Variants in BMERB1 observed in about 807,000 individuals in gnomAD.
BMERB1 encodes the protein bMERB domain-containing protein 1.
In BMERB1, 12 loss-of-function variants were observed where a neutral mutation model predicts 23.6. The observed-to-expected ratio is 0.51, with a 90% CI of 0.33 to 0.82. The LOEUF (loss-of-function observed/expected upper bound fraction) is 0.82, where lower values mean the gene tolerates loss of function less well. Among genes scored for constraint, BMERB1 ranks in the 40% least tolerant of loss-of-function variants. The pLI is 0.03. For missense variants in BMERB1, 247 were observed against 255.4 expected (o/e 0.97, Z 0.22); for synonymous variants, 122 against 96.6 (o/e 1.26, Z -1.54).
intron 2 of BMERB1, among the ~76,000 whole-genome samples, chr16:15,537,222 A>G (rs1228451512): frequency 3.9e-5 from 6 of 152,200 alleles, no homozygotes; most frequent in African/African-American, 1.2e-4. Context: ...TCATCATTCA[A>G]TGACTATTGC....
intron 5 of BMERB1, among the ~76,000 whole-genome samples, chr16:15,586,319 A>G (rs921270264): frequency 1.2e-4 from 18 of 152,210 alleles, no homozygotes; most frequent in African/African-American, 4.1e-4. Context: ...AAGACAATGT[A>G]TGAGCATTTT....
At chr16:15,508,413 A>G (rs567849077) in intron 1 of BMERB1, among the ~76,000 whole-genome samples, 2 of 146,486 alleles carry the variant, frequency 1.4e-5, no homozygotes, top group South Asian at 2.2e-4. Flanking sequence ...AAAAGCAGCC[A>G]TAAATGACAT....
At chr16:15,498,827 A>G (rs1432974777) in intron 1 of BMERB1, among the ~76,000 whole-genome samples, 1 of 152,176 alleles carries the variant, frequency 6.6e-6, no homozygotes, top group Non-Finnish European at 1.5e-5. Context: ...TGGGGAGAGG[A>G]TGCTACTGGC....
chr16:15,470,763 A>T (rs1281315063), intron 1 of BMERB1, among the ~76,000 whole-genome samples: 1 of 142,718 alleles, frequency 7.0e-6, no homozygotes, highest in African/African-American at 2.6e-5. Flanking sequence ...TGACCTCATG[A>T]TCTGCCCACT....
At chr16:15,573,362 TTTA>T (rs2030779829) in intron 3 of BMERB1, among the ~76,000 whole-genome samples, 1 of 152,032 alleles carries the variant, frequency 6.6e-6, no homozygotes, top group Non-Finnish European at 1.5e-5. Context: ...AGACTGGAGT[TTTA>T]TTATTCCTCA....
chr16:15,525,498 G>A (rs1393327771), intron 2 of BMERB1, among the ~76,000 whole-genome samples: 3 of 152,038 alleles, frequency 2.0e-5, no homozygotes, highest in Non-Finnish European at 4.4e-5. Flanking sequence ...GAGGTCAGGA[G>A]TTTTGAGACC....
intron 2 of BMERB1, among the ~76,000 whole-genome samples, chr16:15,563,307 G>T (rs943498930): frequency 6.8e-6 from 1 of 146,750 alleles, no homozygotes. Flanking sequence ...TGCAACCTCC[G>T]CCTCCTGGGT....
chr16:15,483,302 T>C (rs1289796107), intron 1 of BMERB1, among the ~76,000 whole-genome samples: 1 of 152,344 alleles, frequency 6.6e-6, no homozygotes, highest in Middle Eastern at 3.4e-3. Flanking sequence ...TCTAAAGAAA[T>C]GTTCTGTGTT....
chr16:15,495,450 C>G (rs1482029272), intron 1 of BMERB1, among the ~76,000 whole-genome samples: 1 of 152,152 alleles, frequency 6.6e-6, no homozygotes, highest in African/African-American at 2.4e-5. Context: ...ACTACAAGCT[C>G]CGCCTCCCGG....
At position 15,537,358 on chromosome 16, in the gene BMERB1, A is replaced by AT. The variant is rs113207342; in HGVS notation, c.230+21944dup. 1.9e-3 allele frequency among the ~76,000 whole-genome samples: 283 copies of AT among 146,990 alleles called. 2 individuals carry two copies. Among genetic ancestry groups the AT allele is most frequent in the South Asian group, 5.0e-3 (23 of 4,612 alleles). Reference sequence around the variant, plus strand: ...AGAAGATAGATTTTTCTTATTCTTAATTTTTTTTTTTTTTGAGACAGCATC... The same window carrying AT: ...AGAAGATAGATTTTTCTTATTCTTAATTTTTTTTTTTTTTTGAGACAGCATC... On this transcript the variant is annotated intron_variant, in intron 2 of 5. Transcript: ENST00000300006.
At chr16:15,526,697 A>G (rs2051909235) in intron 2 of BMERB1, among the ~76,000 whole-genome samples, 1 of 150,130 alleles carries the variant, frequency 6.7e-6, no homozygotes, top group African/African-American at 2.4e-5. Context: ...AAAAAATATA[A>G]TTGTTCCGGG....
At chr16:15,518,579 C>G (rs2051805440) in intron 2 of BMERB1, among the ~76,000 whole-genome samples, 1 of 152,216 alleles carries the variant, frequency 6.6e-6, no homozygotes, top group Non-Finnish European at 1.5e-5. Context: ...AGCCAAGGCC[C>G]TGCTTGAATT....
chr16:15,502,223 C>G, intron 1 of BMERB1: 1 of 1,446,636 alleles, frequency 6.9e-7, no homozygotes, highest in Non-Finnish European at 9.5e-7. Context: ...GAAACAGAAA[C>G]TCGCAGAAGT....
intron 1 of BMERB1, among the ~76,000 whole-genome samples, chr16:15,449,476 C>T (rs1421151683): frequency 6.6e-6 from 1 of 152,158 alleles, no homozygotes; most frequent in Middle Eastern, 3.2e-3. Context: ...TCATGAAATA[C>T]ACCCTTGTAA....
At chr16:15,475,406 C>G (rs1232024982) in intron 1 of BMERB1, among the ~76,000 whole-genome samples, 1 of 152,128 alleles carries the variant, frequency 6.6e-6, no homozygotes, top group Non-Finnish European at 1.5e-5. Context: ...TCATGCTTTG[C>G]TAGAGGGACT....
intron 2 of BMERB1, among the ~76,000 whole-genome samples, chr16:15,552,606 C>T (rs960704591): frequency 6.6e-6 from 1 of 152,220 alleles, no homozygotes; most frequent in African/African-American, 2.4e-5. Flanking sequence ...GCACTGGGCA[C>T]GGCCCAGTTC....
chr16:15,445,783 C>T (rs1224410962), intron 1 of BMERB1, among the ~76,000 whole-genome samples: 2 of 152,110 alleles, frequency 1.3e-5, no homozygotes, highest in African/African-American at 4.8e-5. Context: ...GGTATTTACC[C>T]AACAGAAATG....
intron 1 of BMERB1, among the ~76,000 whole-genome samples, chr16:15,510,638 A>G (rs1373381202): frequency 6.6e-6 from 1 of 152,060 alleles, no homozygotes; most frequent in African/African-American, 2.4e-5. Flanking sequence ...AACCCAGGCC[A>G]TCTGATCTGG....
At chr16:15,565,024 TTAA>T (rs1289363612) in intron 2 of BMERB1, among the ~76,000 whole-genome samples, 2 of 151,938 alleles carry the variant, frequency 1.3e-5, no homozygotes, top group Non-Finnish European at 2.9e-5. Flanking sequence ...TGAACAGTGG[TTAA>T]TAAATAGTTT....
Sources: gnomAD v4.1 joint callset for allele counts (sites outside exome capture counted in the v4.1 genomes callset) on GRCh38, gnomAD v4.1.1 for gene constraint, MANE v1.5 for transcripts, NCBI Gene and HGNC (gene_info 2026-07-23, HGNC 2026-07-21) for gene names.